Variants in DTNBP1 observed in about 807,000 individuals in gnomAD.
The protein encoded by DTNBP1 is dystrobrevin binding protein 1.
Under a neutral mutation model 42.8 loss-of-function variants are expected in DTNBP1, and 35 were observed. The ratio of observed to expected loss-of-function variants is 0.82; its 90% confidence interval spans 0.63 to 1.09. The LOEUF is 1.09. Among genes scored for constraint, DTNBP1 ranks in the 50% least tolerant of loss-of-function variants. DTNBP1 has a pLI of 0.00. For missense variants in DTNBP1, 457 were observed against 424.2 expected (o/e 1.08, Z -0.68); for synonymous variants, 171 against 162.2 (o/e 1.05, Z -0.41).
chr6:15,538,119 G>C (rs1182769484), intron 7 of DTNBP1, among the ~76,000 whole-genome samples: 1 of 152,162 alleles, frequency 6.6e-6, no homozygotes, highest in East Asian at 1.9e-4. Context: ...ATTTTACCCT[G>C]TGCCTAGGTG....
chr6:15,569,367 G>A (rs543676896), intron 7 of DTNBP1, among the ~76,000 whole-genome samples: 20 of 56,370 alleles, frequency 3.5e-4, no homozygotes, highest in African/African-American at 6.3e-4. Context: ...CCCCCCGCCC[G>A]CCCCGACAGG....
chr6:15,579,847 T>C (rs772524592), intron 7 of DTNBP1: 1 of 455,424 alleles, frequency 2.2e-6, no homozygotes, highest in Non-Finnish European at 4.4e-6. Context: ...TTGAATGTTC[T>C]CAATGCAAAG....
At chr6:15,582,311 C>T (rs1310216491) in intron 7 of DTNBP1, among the ~76,000 whole-genome samples, 3 of 152,136 alleles carry the variant, frequency 2.0e-5, no homozygotes, top group South Asian at 4.1e-4. Context: ...GGGTTTAAAT[C>T]CCTGCTGAAA....
At chr6:15,538,634 G>A (rs1048687004) in intron 7 of DTNBP1, among the ~76,000 whole-genome samples, 1 of 152,192 alleles carries the variant, frequency 6.6e-6, no homozygotes, top group African/African-American at 2.4e-5. Context: ...CAGGCTGTAT[G>A]AATTCAGGTC....
chr6:15,634,717 T>A (rs535478914), intron 4 of DTNBP1, among the ~76,000 whole-genome samples: 1 of 152,182 alleles, frequency 6.6e-6, no homozygotes, highest in African/African-American at 2.4e-5. Flanking sequence ...TTCCCCCAAA[T>A]AATACGGAAG....
chr6:15,524,099 A>G (rs925414520), intron 9 of DTNBP1: 36 of 1,335,608 alleles, frequency 2.7e-5, no homozygotes, highest in Non-Finnish European at 9.8e-6. Flanking sequence ...AGAGCTGAAC[A>G]CACACCATGG....
At chr6:15,573,128 C>T (rs1775410730) in intron 7 of DTNBP1, among the ~76,000 whole-genome samples, 1 of 152,030 alleles carries the variant, frequency 6.6e-6, no homozygotes, top group African/African-American at 2.4e-5. Context: ...CATGTTTATC[C>T]CCTAAATAGT....
At chr6:15,552,438 A>T (rs1309966256) in intron 7 of DTNBP1, among the ~76,000 whole-genome samples, 1 of 152,224 alleles carries the variant, frequency 6.6e-6, no homozygotes, top group East Asian at 1.9e-4. Context: ...TATTTATTCA[A>T]TGAAAGGTTT....
intron 4 of DTNBP1, 61 bp from the exon 5 acceptor site, chr6:15,627,536 T>A: frequency 4.4e-6 from 7 of 1,606,872 alleles, no homozygotes; most frequent in Non-Finnish European, 5.9e-6. Flanking sequence ...GAAAGTACAG[T>A]TAACGTAATG....
At position 15,543,269 on chromosome 6, in the gene DTNBP1, C is replaced by T. The variant is rs1464478736; in HGVS notation, c.512-9874G>A. 2.0e-5 allele frequency among the ~76,000 whole-genome samples: 3 copies of T among 152,192 alleles called. No homozygotes were observed. The East Asian group carries it at 5.8e-4, about 29-fold the overall frequency. ...ATAATTATAGGTTCATAGGATGTTACCTAGAAATGTACATCCTGAATGTCC... is the reference window on the plus strand; with the variant it reads ...ATAATTATAGGTTCATAGGATGTTATCTAGAAATGTACATCCTGAATGTCC... On this transcript the variant is annotated intron_variant, in intron 7 of 9. Coordinates refer to ENST00000344537, the MANE Select transcript of DTNBP1 (RefSeq NM_032122.5).
At chr6:15,533,022 TA>T (rs763077001) in intron 8 of DTNBP1, among the ~76,000 whole-genome samples, 7 of 151,824 alleles carry the variant, frequency 4.6e-5, no homozygotes, top group East Asian at 1.9e-4. Context: ...TTAGAGGTAT[TA>T]AAAAAAATAT....
At chr6:15,634,903 C>G (rs1407801777) in intron 4 of DTNBP1, among the ~76,000 whole-genome samples, 1 of 152,172 alleles carries the variant, frequency 6.6e-6, no homozygotes, top group Non-Finnish European at 1.5e-5. Context: ...ACATCTCAGA[C>G]CCATCTTCTA....
intron 4 of DTNBP1, among the ~76,000 whole-genome samples, chr6:15,634,039 T>C (rs1175462700): frequency 6.6e-6 from 1 of 152,190 alleles, no homozygotes; most frequent in South Asian, 2.1e-4. Context: ...TGGAACCAAA[T>C]TGACAATATT....
chr6:15,533,570 C>T, intron 7 of DTNBP1, 175 bp from the exon 8 acceptor site: 1 of 1,047,812 alleles, frequency 9.5e-7, no homozygotes, highest in Non-Finnish European at 1.5e-6. Context: ...ATCTGCTGCA[C>T]TTCCTCCCCC....
intron 3 of DTNBP1, among the ~76,000 whole-genome samples, chr6:15,639,949 C>T (rs992775916): frequency 6.6e-6 from 1 of 152,120 alleles, no homozygotes; most frequent in African/African-American, 2.4e-5. Flanking sequence ...CTTTTCTCCC[C>T]GTTATTATGT....
chr6:15,634,168 T>TTAATC (rs1446425213), intron 4 of DTNBP1, among the ~76,000 whole-genome samples: 5 of 152,116 alleles, frequency 3.3e-5, no homozygotes, highest in Admixed American at 1.3e-4. Flanking sequence ...GCCCTTTAGA[T>TTAATC]TAATCTAGAT....
At chr6:15,615,500 GT>G (rs1276098500) in intron 5 of DTNBP1, 101 bp from the exon 6 acceptor site, 1 of 1,481,578 alleles carries the variant, frequency 6.7e-7, no homozygotes, top group Non-Finnish European at 9.3e-7. Flanking sequence ...TGTTGAGATT[GT>G]TTTGCATTTT....
At chr6:15,636,157 CTTT>C (rs70996562) in intron 4 of DTNBP1, among the ~76,000 whole-genome samples, 4 of 127,008 alleles carry the variant, frequency 3.1e-5, no homozygotes, top group Admixed American at 8.1e-5. Context: ...TTACCTGCAC[CTTT>C]TTTTTTTTTT....
chr6:15,612,654 C>A (rs759801650), intron 6 of DTNBP1, among the ~76,000 whole-genome samples: 1 of 152,180 alleles, frequency 6.6e-6, no homozygotes, highest in East Asian at 1.9e-4. Flanking sequence ...AAGCACTTTA[C>A]TGATTCCCTA....
Sources: gnomAD v4.1 joint callset for allele counts (sites outside exome capture counted in the v4.1 genomes callset) on GRCh38, gnomAD v4.1.1 for gene constraint, MANE v1.5 for transcripts, NCBI Gene and HGNC (gene_info 2026-07-23, HGNC 2026-07-21) for gene names.